Variants in EGFLAM observed in about 807,000 individuals in gnomAD.
The protein encoded by EGFLAM is EGF like, fibronectin type III and laminin G domains.
Under a neutral mutation model 113.1 loss-of-function variants are expected in EGFLAM, and 79 were observed. The observed-to-expected ratio is 0.70, with a 90% CI of 0.58 to 0.84. EGFLAM has a LOEUF of 0.84. Among genes scored for constraint, EGFLAM ranks in the 40% least tolerant of loss-of-function variants. The pLI, the probability that EGFLAM is intolerant of heterozygous loss-of-function variation, is 0.00. For missense variants in EGFLAM, 1,265 were observed against 1,291.6 expected, an observed-to-expected ratio of 0.98 and a Z score of 0.32; for synonymous variants, 504 against 487.6, an observed-to-expected ratio of 1.03 and a Z score of -0.44.
chr5:38,353,017 AG>A (rs1739672103), intron 5 of EGFLAM, among the ~76,000 whole-genome samples: 1 of 152,232 alleles, frequency 6.6e-6, no homozygotes, highest in African/African-American at 2.4e-5. Context: ...TCTTAGGAGC[AG>A]GGGAAAAATC....
At chr5:38,420,842 C>T (rs200727362) in intron 12 of EGFLAM, among the ~76,000 whole-genome samples, 1 of 152,156 alleles carries the variant, frequency 6.6e-6, no homozygotes, top group South Asian at 2.1e-4. Flanking sequence ...CAGGTGGCAC[C>T]AAAAGGACCT....
chr5:38,314,909 T>C (rs559390564), intron 1 of EGFLAM, among the ~76,000 whole-genome samples: 1 of 152,202 alleles, frequency 6.6e-6, no homozygotes. Flanking sequence ...GGGGACAGTA[T>C]GGAGCGGAGC....
In EGFLAM at chr5:38,294,544, T is replaced by C. The variant is rs371088550; in HGVS notation, c.97+35693T>C. Among the ~76,000 whole-genome samples the C allele has an allele frequency of 1.5e-3, 227 of 152,248 alleles. 5 individuals are homozygous for C. In the South Asian group the frequency reaches 0.045, roughly 30 times the overall value. ...GTTTCTATAAGTAAATACACAGGTG[T>C]TGTATAATTTTATAGTATAAGCATA... On this transcript the variant is annotated intron_variant, in intron 1 of 21. Coordinates refer to ENST00000322350, the MANE Select transcript of EGFLAM (RefSeq NM_152403.4).
chr5:38,282,983 C>G (rs1341209952), intron 1 of EGFLAM, among the ~76,000 whole-genome samples: 2 of 152,132 alleles, frequency 1.3e-5, no homozygotes, highest in South Asian at 2.1e-4. Context: ...CCCTGAATAG[C>G]TGGGACTACA....
At chr5:38,336,549 G>A (rs1411391376) in intron 1 of EGFLAM, among the ~76,000 whole-genome samples, 1 of 145,392 alleles carries the variant, frequency 6.9e-6, no homozygotes, top group African/African-American at 2.7e-5. Flanking sequence ...ACTCCAGCCT[G>A]GGCGACAGAG....
At chr5:38,384,749 G>C (rs1206382293) in intron 6 of EGFLAM, among the ~76,000 whole-genome samples, 2 of 152,030 alleles carry the variant, frequency 1.3e-5, no homozygotes, top group African/African-American at 4.8e-5. Context: ...ACTGCACTTG[G>C]CTCCCACAGG....
intron 1 of EGFLAM, among the ~76,000 whole-genome samples, chr5:38,311,913 A>T: frequency 6.6e-6 from 1 of 152,200 alleles, no homozygotes; most frequent in East Asian, 1.9e-4. Flanking sequence ...AGAGAGAAGT[A>T]TGGGACTTAT....
chr5:38,388,770 A>AG, intron 6 of EGFLAM, among the ~76,000 whole-genome samples: 1 of 151,010 alleles, frequency 6.6e-6, no homozygotes, highest in East Asian at 2.0e-4. Context: ...AAAAAAAAAA[A>AG]AAAAAAAGTT....
intron 17 of EGFLAM, among the ~76,000 whole-genome samples, chr5:38,441,330 T>G (rs564227572): frequency 1.3e-5 from 2 of 152,262 alleles, no homozygotes; most frequent in East Asian, 3.9e-4. Flanking sequence ...CATTTGGTGG[T>G]TTCAGTTTCA....
chr5:38,272,527 T>A (rs1315697536), intron 1 of EGFLAM, among the ~76,000 whole-genome samples: 1 of 152,212 alleles, frequency 6.6e-6, no homozygotes, highest in Non-Finnish European at 1.5e-5. Context: ...CTCCAATTCT[T>A]CAACATTCTT....
intron 5 of EGFLAM, among the ~76,000 whole-genome samples, chr5:38,358,183 T>C (rs1003199774): frequency 7.3e-5 from 11 of 151,580 alleles, no homozygotes; most frequent in Non-Finnish European, 1.2e-4. Flanking sequence ...TGGTGGCTCA[T>C]GCCTGTAATC....
intron 11 of EGFLAM, among the ~76,000 whole-genome samples, chr5:38,417,676 C>T (rs896129854): frequency 6.6e-6 from 1 of 151,718 alleles, no homozygotes; most frequent in Admixed American, 6.6e-5. Flanking sequence ...AGTATTATCA[C>T]CTTTGGAGGC....
intron 1 of EGFLAM, among the ~76,000 whole-genome samples, chr5:38,269,003 C>T (rs59636709): frequency 0.012 from 1,759 of 152,142 alleles, 35 homozygotes; most frequent in African/African-American, 0.04. Context: ...ATGGCGAAAC[C>T]GCATCTCTAC....
chr5:38,421,233 G>A (rs1196342293), intron 12 of EGFLAM, among the ~76,000 whole-genome samples: 2 of 152,138 alleles, frequency 1.3e-5, no homozygotes, highest in South Asian at 4.1e-4. Flanking sequence ...CCTGTCTTTC[G>A]TTAGACTGTT....
chr5:38,405,275 C>T (rs1434771728), intron 6 of EGFLAM, among the ~76,000 whole-genome samples: 1 of 152,174 alleles, frequency 6.6e-6, no homozygotes, highest in East Asian at 1.9e-4. Context: ...CTCTCAAAGG[C>T]CCCTGTGAAT....
chr5:38,431,328 GC>G (rs774279601), intron 15 of EGFLAM, 40 bp downstream of exon 15: 10 of 1,590,252 alleles, frequency 6.3e-6, no homozygotes, highest in African/African-American at 1.3e-5. Context: ...GTTAGTGTGA[GC>G]CAGATTACTG....
intron 1 of EGFLAM, among the ~76,000 whole-genome samples, chr5:38,266,296 G>A (rs1310728245): frequency 6.6e-6 from 1 of 152,174 alleles, no homozygotes; most frequent in Non-Finnish European, 1.5e-5. Flanking sequence ...ACAGCTACAT[G>A]GTGACAGTGG....
At chr5:38,322,464 GT>G (rs1738768309) in intron 1 of EGFLAM, among the ~76,000 whole-genome samples, 1 of 152,182 alleles carries the variant, frequency 6.6e-6, no homozygotes, top group Non-Finnish European at 1.5e-5. Flanking sequence ...CAGGGCCCAC[GT>G]TTGCCTGGGT....
Position 38,277,829 on chromosome 5 carries a change from CAA to C in EGFLAM, c.97+18980_97+18981del, listed in dbSNP as rs527386069. 2.2e-3 allele frequency among the ~76,000 whole-genome samples: 338 copies of C among 151,942 alleles called. 1 individual carries two copies. Among genetic ancestry groups the C allele is most frequent in the African/African-American group, 7.8e-3 (324 of 41,468 alleles). On this transcript the variant is annotated intron_variant, in intron 1 of 21. Transcript: ENST00000322350. ...TGAAATACTGAGGAATACATTTAAG[CAA>C]AGAGGTGACAGATCTCTACACTGAA...
Sources: allele counts gnomAD v4.1 joint callset (sites outside exome capture counted in the v4.1 genomes callset), GRCh38; gene constraint gnomAD v4.1.1; transcripts MANE v1.5; gene names NCBI Gene and HGNC (gene_info 2026-07-23, HGNC 2026-07-21).